KHDRBS2: variants seen among roughly 807,000 people sequenced by gnomAD.
The protein encoded by KHDRBS2 is KH domain-containing, RNA-binding, signal transduction-associated protein 2.
In KHDRBS2, 26 loss-of-function variants were observed where a neutral mutation model predicts 44.3. The observed-to-expected ratio is 0.59, with a 90% CI of 0.43 to 0.81. KHDRBS2 has a LOEUF of 0.81. KHDRBS2 is among the 40% of genes least tolerant of loss of function. The pLI, the probability that KHDRBS2 is intolerant of heterozygous loss-of-function variation, is 0.00. For synonymous variants in KHDRBS2, 194 were observed against 151.1 expected, an observed-to-expected ratio of 1.28 and a Z score of -2.08; for missense variants, 476 against 433.1, an observed-to-expected ratio of 1.10 and a Z score of -0.88.
intron 8 of KHDRBS2, among the ~76,000 whole-genome samples, chr6:61,691,773 G>T (rs1259411784): frequency 6.6e-6 from 1 of 151,924 alleles, no homozygotes; most frequent in African/African-American, 2.4e-5. Flanking sequence ...ATCAATGCAG[G>T]CCTTATTTTC....
intron 6 of KHDRBS2, among the ~76,000 whole-genome samples, chr6:61,828,172 C>G (rs1394174248): frequency 6.6e-6 from 1 of 152,166 alleles, no homozygotes; most frequent in African/African-American, 2.4e-5. Flanking sequence ...ATATTCTTAA[C>G]AGATATTCAT....
the KHDRBS2 span, among the ~76,000 whole-genome samples, chr6:61,607,359 T>G: frequency 6.6e-6 from 1 of 151,054 alleles, no homozygotes; most frequent in Middle Eastern, 3.4e-3. Context: ...GAGCAAAAAT[T>G]AGTTCAGATA....
At chr6:61,790,820 G>C (rs897108733) in intron 6 of KHDRBS2, among the ~76,000 whole-genome samples, 6 of 151,486 alleles carry the variant, frequency 4.0e-5, no homozygotes, top group Admixed American at 3.9e-4. Context: ...CTATATTCTG[G>C]AATAGTTTGT....
chr6:61,737,203 C>T (rs1216751608), intron 6 of KHDRBS2, among the ~76,000 whole-genome samples: 1 of 151,970 alleles, frequency 6.6e-6, no homozygotes, highest in East Asian at 1.9e-4. Flanking sequence ...TTTACTCCCT[C>T]ACTTACTCTT....
chr6:61,669,987 A>G, the KHDRBS2 span, among the ~76,000 whole-genome samples: 2 of 151,294 alleles, frequency 1.3e-5, no homozygotes, highest in African/African-American at 2.4e-5. Flanking sequence ...TAAATAAATA[A>G]CAAACAGCTG....
chr6:61,703,680 T>C (rs1769036426), intron 7 of KHDRBS2, among the ~76,000 whole-genome samples: 1 of 151,862 alleles, frequency 6.6e-6, no homozygotes, highest in East Asian at 1.9e-4. Context: ...AAGTGCTATT[T>C]AAAAAACATT....
intron 2 of KHDRBS2, among the ~76,000 whole-genome samples, chr6:62,144,218 T>TA (rs1813452740): frequency 6.6e-6 from 1 of 151,980 alleles, no homozygotes; most frequent in Non-Finnish European, 1.5e-5. Context: ...TTTTCTTACC[T>TA]AAAAAACTAG....
chr6:61,992,608 T>A (rs187510047), intron 3 of KHDRBS2, among the ~76,000 whole-genome samples: 2 of 152,256 alleles, frequency 1.3e-5, no homozygotes, highest in South Asian at 2.1e-4. Flanking sequence ...TGTGTGTGTG[T>A]GTTTGTGCGC....
At chr6:62,105,303 C>G (rs1336822605) in intron 2 of KHDRBS2, among the ~76,000 whole-genome samples, 2 of 152,232 alleles carry the variant, frequency 1.3e-5, no homozygotes, top group East Asian at 3.9e-4. Context: ...GTATCACAAA[C>G]AGAAAAAGAA....
At chr6:61,893,893 T>TATA (rs1335842468) in intron 6 of KHDRBS2, among the ~76,000 whole-genome samples, 30 of 149,312 alleles carry the variant, frequency 2.0e-4, no homozygotes, top group East Asian at 9.9e-4. Flanking sequence ...AAACTTAAAG[T>TATA]ATAATAATAA....
chr6:62,023,472 T>C (rs1782709580), intron 3 of KHDRBS2, among the ~76,000 whole-genome samples: 1 of 151,660 alleles, frequency 6.6e-6, no homozygotes, highest in Non-Finnish European at 1.5e-5. Context: ...TAACATTTTC[T>C]CTTTTCTAGT....
At chr6:61,695,872 C>G (rs2127543431) in intron 8 of KHDRBS2, among the ~76,000 whole-genome samples, 1 of 152,184 alleles carries the variant, frequency 6.6e-6, no homozygotes, top group Non-Finnish European at 1.5e-5. Context: ...CCTTCGCCAG[C>G]CTGATGCAGC....
At chr6:62,109,885 G>A (rs575350428) in intron 2 of KHDRBS2, among the ~76,000 whole-genome samples, 6 of 151,798 alleles carry the variant, frequency 4.0e-5, no homozygotes, top group Non-Finnish European at 5.9e-5. Flanking sequence ...ACTAAAAATA[G>A]ATTCCATACT....
intron 6 of KHDRBS2, among the ~76,000 whole-genome samples, chr6:61,824,433 T>C (rs1208479928): frequency 1.3e-5 from 2 of 152,074 alleles, no homozygotes; most frequent in African/African-American, 4.8e-5. Context: ...CCTTCTGCCA[T>C]GATTGTAAGT....
At chr6:61,698,892 C>T (rs966179931) in intron 7 of KHDRBS2, among the ~76,000 whole-genome samples, 3 of 152,098 alleles carry the variant, frequency 2.0e-5, no homozygotes, top group African/African-American at 7.2e-5. Flanking sequence ...ACTCAAATGT[C>T]ACTTATGAGA....
chr6:61,774,904 C>T (rs561505711), intron 6 of KHDRBS2, among the ~76,000 whole-genome samples: 1 of 152,208 alleles, frequency 6.6e-6, no homozygotes, highest in South Asian at 2.1e-4. Context: ...AAAATACTAG[C>T]AAACTGAATC....
intron 3 of KHDRBS2, among the ~76,000 whole-genome samples, chr6:62,022,651 G>A (rs1235441722): frequency 6.6e-6 from 1 of 151,398 alleles, no homozygotes; most frequent in Non-Finnish European, 1.5e-5. Flanking sequence ...TGAAATTCAT[G>A]AGCTCCCTCT....
At chr6:62,059,207 T>G (rs866279527) in intron 2 of KHDRBS2, among the ~76,000 whole-genome samples, 3 of 111,314 alleles carry the variant, frequency 2.7e-5, no homozygotes, top group South Asian at 3.1e-4. Flanking sequence ...AGTTTTTTTT[T>G]TTTTTTTTTT....
In KHDRBS2 at chr6:62,098,616, T is replaced by C. The variant is rs141818861; in HGVS notation, c.220-50622A>G. The stretch of plus-strand genomic sequence containing the variant: ...TTTGAGAGATCAATTATGATATGTC[T>C]TGGGGAACACTCATTTGAGTTTAAT... On this transcript the variant is annotated intron_variant, in intron 2 of 8. Transcript: ENST00000281156. Among the ~76,000 whole-genome samples the C allele has an allele frequency of 3.3e-5, 5 of 152,310 alleles. No individual in the cohort carries two copies. The East Asian group carries it at 9.7e-4, about 29-fold the overall frequency.
Sources: allele counts gnomAD v4.1 joint callset (sites outside exome capture counted in the v4.1 genomes callset), GRCh38; gene constraint gnomAD v4.1.1; transcripts MANE v1.5; gene names NCBI Gene and HGNC (gene_info 2026-07-23, HGNC 2026-07-21).